The following CDH12 variants were observed in gnomAD, a reference collection of about 807,000 sequenced individuals.
CDH12 encodes the protein cadherin 12.
A neutral mutation model predicts 74.1 loss-of-function variants in CDH12; 41 were observed. That is an observed-to-expected ratio of 0.55 (90% confidence interval 0.43 to 0.72). CDH12 has a LOEUF of 0.72. Among genes scored for constraint, CDH12 ranks in the 30% least tolerant of loss-of-function variants. The pLI, the probability that CDH12 is intolerant of heterozygous loss-of-function variation, is 0.00. For missense variants in CDH12, 945 were observed against 977.2 expected, an observed-to-expected ratio of 0.97 and a Z score of 0.44; for synonymous variants, 399 against 355.0, an observed-to-expected ratio of 1.12 and a Z score of -1.39.
chr5:22,651,854 T>C (rs996457888), intron 1 of CDH12, among the ~76,000 whole-genome samples: 1 of 152,004 alleles, frequency 6.6e-6, no homozygotes, highest in Non-Finnish European at 1.5e-5. Flanking sequence ...ATATCTGTTT[T>C]TTAAAAAAAG....
chr5:22,651,426 G>T (rs1336335658), intron 1 of CDH12, among the ~76,000 whole-genome samples: 2 of 152,078 alleles, frequency 1.3e-5, no homozygotes, highest in Admixed American at 6.6e-5. Flanking sequence ...GATGTCAGAA[G>T]GTGAAGCAGA....
At chr5:22,005,306 G>A (rs1736877480) in intron 5 of CDH12, among the ~76,000 whole-genome samples, 1 of 152,134 alleles carries the variant, frequency 6.6e-6, no homozygotes, top group African/African-American at 2.4e-5. Flanking sequence ...GCCTCCCAAA[G>A]TGCTGGGATT....
At chr5:21,898,877 T>C (rs1206831032) in intron 6 of CDH12, among the ~76,000 whole-genome samples, 2 of 12,926 alleles carry the variant, frequency 1.5e-4, no homozygotes, top group Non-Finnish European at 8.0e-4. Context: ...AATTTTATCA[T>C]GGAAGTTAAA....
chr5:21,832,894 AT>A (rs1246000065), intron 8 of CDH12, among the ~76,000 whole-genome samples: 60 of 84,554 alleles, frequency 7.1e-4, no homozygotes, highest in African/African-American at 4.3e-3. Flanking sequence ...ATTAATATAT[AT>A]CATATAATAT....
At chr5:22,840,648 C>A (rs1439334064) in intron 1 of CDH12, among the ~76,000 whole-genome samples, 2 of 151,760 alleles carry the variant, frequency 1.3e-5, no homozygotes, top group African/African-American at 4.8e-5. Flanking sequence ...TATGAGCACA[C>A]AAGACAAAGA....
Position 21,890,762 on chromosome 5 carries a change from C to T in CDH12, c.527-35972G>A, listed in dbSNP as rs75757503. ...TCTATATATTTGAAAAACGAAATAA[C>T]GCAATAAAGCTCATTTTATAAAAGG... On this transcript the variant is annotated intron_variant, in intron 6 of 14. Transcript: ENST00000382254. 4.6e-3 allele frequency among the ~76,000 whole-genome samples: 705 copies of T among 151,922 alleles called. 4 individuals carry two copies. The highest frequency in any genetic ancestry group is 0.016 in the African/African-American group (649 of 41,472).
chr5:22,739,768 C>T (rs1000251937), intron 1 of CDH12, among the ~76,000 whole-genome samples: 3 of 151,990 alleles, frequency 2.0e-5, no homozygotes, highest in Admixed American at 6.6e-5. Context: ...CTTTTCAACC[C>T]TCTGTTATGA....
chr5:22,625,362 A>T (rs1203982315), intron 1 of CDH12, among the ~76,000 whole-genome samples: 3 of 152,176 alleles, frequency 2.0e-5, no homozygotes, highest in Non-Finnish European at 2.9e-5. Flanking sequence ...GAAAGAGGCA[A>T]GTTGAACATG....
At chr5:22,320,294 T>G (rs1738813449) in intron 3 of CDH12, among the ~76,000 whole-genome samples, 2 of 152,194 alleles carry the variant, frequency 1.3e-5, no homozygotes, top group African/African-American at 4.8e-5. Flanking sequence ...AAAATTAATA[T>G]GTCTTATTGA....
chr5:22,205,526 A>G (rs545458760), intron 4 of CDH12, among the ~76,000 whole-genome samples: 1 of 152,278 alleles, frequency 6.6e-6, no homozygotes, highest in East Asian at 1.9e-4. Context: ...TATTAATGAA[A>G]TATATTTCCC....
chr5:22,818,153 T>C (rs889594464), intron 1 of CDH12, among the ~76,000 whole-genome samples: 3 of 152,146 alleles, frequency 2.0e-5, no homozygotes, highest in Admixed American at 6.6e-5. Flanking sequence ...TCCAACATGG[T>C]TGATTTTCAA....
chr5:22,480,553 C>T (rs1003467057), intron 2 of CDH12, among the ~76,000 whole-genome samples: 6 of 147,834 alleles, frequency 4.1e-5, no homozygotes, highest in Non-Finnish European at 8.9e-5. Context: ...CCACTGCACT[C>T]GAGTGTGGGC....
At chr5:22,814,659 G>T (rs1475988485) in intron 1 of CDH12, among the ~76,000 whole-genome samples, 3 of 152,070 alleles carry the variant, frequency 2.0e-5, no homozygotes, top group Non-Finnish European at 4.4e-5. Flanking sequence ...TTGTAGCTAA[G>T]TATAATTATG....
At chr5:22,474,926 A>T (rs966168085) in intron 2 of CDH12, among the ~76,000 whole-genome samples, 7 of 151,996 alleles carry the variant, frequency 4.6e-5, no homozygotes, top group African/African-American at 1.7e-4. Flanking sequence ...TATTACATAC[A>T]TTCTATTCTC....
intron 2 of CDH12, among the ~76,000 whole-genome samples, chr5:22,491,590 C>T: frequency 1.2e-5 from 1 of 81,762 alleles, no homozygotes; most frequent in East Asian, 3.4e-4. Context: ...AATACACCAA[C>T]AGTAAGGACA....
At chr5:21,886,434 T>G (rs1387994856) in intron 6 of CDH12, among the ~76,000 whole-genome samples, 1 of 149,636 alleles carries the variant, frequency 6.7e-6, no homozygotes, top group Non-Finnish European at 1.5e-5. Context: ...TGTTTTTTCT[T>G]TTTATTATTT....
intron 1 of CDH12, among the ~76,000 whole-genome samples, chr5:22,753,302 T>A (rs1328026996): frequency 6.6e-6 from 1 of 151,344 alleles, no homozygotes; most frequent in Non-Finnish European, 1.5e-5. Context: ...CCGGGCACGG[T>A]GGCGGGCGCC....
At chr5:21,975,407 A>G (rs1460559951) in intron 5 of CDH12, 22 bp from the exon 6 acceptor site, 3 of 1,529,264 alleles carry the variant, frequency 2.0e-6, no homozygotes, top group Non-Finnish European at 2.6e-6. Flanking sequence ...AGAAGGAGAG[A>G]GAGAGGAAGA....
At chr5:22,425,323 T>G (rs1743879874) in intron 2 of CDH12, among the ~76,000 whole-genome samples, 1 of 151,350 alleles carries the variant, frequency 6.6e-6, no homozygotes, top group Non-Finnish European at 1.5e-5. Context: ...ACATTTTATT[T>G]TGTTTACTTT....
Sources: allele counts gnomAD v4.1 joint callset (sites outside exome capture counted in the v4.1 genomes callset), GRCh38; gene constraint gnomAD v4.1.1; transcripts MANE v1.5; gene names NCBI Gene and HGNC (gene_info 2026-07-23, HGNC 2026-07-21).